RIMS2: variants seen among roughly 807,000 people sequenced by gnomAD.
RIMS2 encodes the protein regulating synaptic membrane exocytosis protein 2.
A neutral mutation model predicts 174.4 loss-of-function variants in RIMS2; 59 were observed. The ratio of observed to expected loss-of-function variants is 0.34; its 90% CI spans 0.27 to 0.42. RIMS2 has a LOEUF of 0.42. Among genes scored for constraint, RIMS2 ranks in the 10% least tolerant of loss-of-function variants. The probability of loss-of-function intolerance (pLI) is 1.00; values close to 1 mark genes in which losing one functional copy is unlikely to be tolerated. For synonymous variants in RIMS2, 606 were observed against 572.5 expected (o/e 1.06, Z -0.84); for missense variants, 1,620 against 1,666.3 (o/e 0.97, Z 0.48).
At chr8:104,074,797 G>T (rs2097260276) in intron 19 of RIMS2, among the ~76,000 whole-genome samples, 1 of 151,956 alleles carries the variant, frequency 6.6e-6, no homozygotes, top group Non-Finnish European at 1.5e-5. Context: ...AAGGTGACTG[G>T]TCCTTGATGA....
rs1295953577 is a variant in RIMS2 at position 103,709,119 on chromosome 8, T to C, written c.387+11823T>C. The stretch of plus-strand genomic sequence containing the variant: ...ACAGACATTGTAGCAATGTCAAATC[T>C]GCTGTTTATAAAATTCAGTATATTT... On this transcript the variant is annotated intron_variant, in intron 2 of 23. Transcript: ENST00000504942. Among the ~76,000 whole-genome samples the C allele has an allele frequency of 2.0e-5, 3 of 152,176 alleles. No individual in the cohort carries two copies. In the East Asian group the frequency reaches 5.8e-4, roughly 29 times the overall value.
intron 3 of RIMS2, among the ~76,000 whole-genome samples, chr8:103,839,561 T>C (rs1481830576): frequency 6.6e-6 from 1 of 152,204 alleles, no homozygotes; most frequent in African/African-American, 2.4e-5. Flanking sequence ...TTCACAAATA[T>C]CTCTCCAAGC....
At chr8:103,752,453 T>C (rs1157302408) in intron 2 of RIMS2, among the ~76,000 whole-genome samples, 2 of 152,154 alleles carry the variant, frequency 1.3e-5, no homozygotes, top group African/African-American at 4.8e-5. Flanking sequence ...TGGTTCCATA[T>C]GAACTTTAAA....
chr8:103,749,934 C>A (rs1235346674), intron 2 of RIMS2, among the ~76,000 whole-genome samples: 2 of 152,030 alleles, frequency 1.3e-5, no homozygotes, highest in Non-Finnish European at 2.9e-5. Flanking sequence ...TTGCTGCCTT[C>A]ATAATAAATA....
At position 103,534,571 on chromosome 8, in the gene RIMS2, A is replaced by G. The variant is rs139269424; in HGVS notation, c.176+33509A>G. 2.8e-4 allele frequency among the ~76,000 whole-genome samples: 43 copies of G among 152,086 alleles called. 1 individual carries two copies. In the East Asian group the frequency reaches 7.9e-3, roughly 28 times the overall value. ...TTGTTTGATATCAGTACGTATTTGT[A>G]TTTCCTATCTGTGCAAAAATATATT... On this transcript the variant is annotated intron_variant, in intron 1 of 23. Transcript: ENST00000504942.
intron 2 of RIMS2, among the ~76,000 whole-genome samples, chr8:103,730,346 G>A (rs1027318441): frequency 3.3e-5 from 5 of 152,076 alleles, no homozygotes; most frequent in Non-Finnish European, 7.4e-5. Context: ...AGTGTTGGGT[G>A]ATTATATATT....
chr8:103,557,849 A>G (rs1011361864), intron 1 of RIMS2, among the ~76,000 whole-genome samples: 1 of 152,212 alleles, frequency 6.6e-6, no homozygotes, highest in African/African-American at 2.4e-5. Flanking sequence ...AATAATCTCT[A>G]GTATTATAGA....
intron 2 of RIMS2, among the ~76,000 whole-genome samples, chr8:103,746,288 T>C (rs1165070714): frequency 2.0e-5 from 3 of 152,180 alleles, no homozygotes; most frequent in Non-Finnish European, 2.9e-5. Flanking sequence ...CTCAATTCTA[T>C]TCCCTTGACC....
intron 3 of RIMS2, among the ~76,000 whole-genome samples, chr8:103,878,500 A>G (rs2099152238): frequency 1.3e-5 from 2 of 151,784 alleles, no homozygotes; most frequent in Admixed American, 6.6e-5. Flanking sequence ...TTTGCATCTC[A>G]GTTCATTGGA....
chr8:103,531,929 A>C (rs926536643), intron 1 of RIMS2, among the ~76,000 whole-genome samples: 1 of 152,218 alleles, frequency 6.6e-6, no homozygotes, highest in Non-Finnish European at 1.5e-5. Context: ...AATGACAAGA[A>C]AAATAATTAG....
chr8:103,906,773 G>A (rs532509334), intron 4 of RIMS2, among the ~76,000 whole-genome samples: 6 of 152,202 alleles, frequency 3.9e-5, no homozygotes, highest in South Asian at 2.1e-4. Flanking sequence ...TATCTCTAGT[G>A]CACAGATTTG....
intron 1 of RIMS2, among the ~76,000 whole-genome samples, chr8:103,590,438 T>G (rs1415915042): frequency 1.3e-5 from 2 of 151,322 alleles, no homozygotes; most frequent in Non-Finnish European, 3.0e-5. Context: ...TTAACATTGT[T>G]CTTTGCATGC....
chr8:103,832,768 C>T (rs963038496), intron 3 of RIMS2, among the ~76,000 whole-genome samples: 9 of 152,168 alleles, frequency 5.9e-5, no homozygotes, highest in Non-Finnish European at 8.8e-5. Context: ...TTATTAGCTA[C>T]ATCTATTCTT....
intron 1 of RIMS2, among the ~76,000 whole-genome samples, chr8:103,536,780 C>T (rs1839962544): frequency 6.6e-6 from 1 of 152,190 alleles, no homozygotes; most frequent in Non-Finnish European, 1.5e-5. Context: ...CACCTCCCAC[C>T]AGGTCCCACC....
At chr8:103,669,937 A>T (rs2096724240) in intron 1 of RIMS2, among the ~76,000 whole-genome samples, 1 of 152,214 alleles carries the variant, frequency 6.6e-6, no homozygotes, top group Non-Finnish European at 1.5e-5. Context: ...GCAGTGCCCC[A>T]GTGTGGACTC....
intron 17 of RIMS2, among the ~76,000 whole-genome samples, chr8:104,004,522 A>T (rs952158648): frequency 1.3e-5 from 2 of 152,178 alleles, no homozygotes; most frequent in Non-Finnish European, 2.9e-5. Flanking sequence ...GGGGGGAAAA[A>T]ACAGGTTGCA....
Position 103,942,903 on chromosome 8 carries a change from A to G in RIMS2, c.2678A>G (p.Glu893Gly), listed in dbSNP as rs2082862953. 5 of 1,610,956 alleles carry G rather than the reference A, an allele frequency of 3.1e-6. No individual in the cohort carries two copies. In the South Asian group the frequency reaches 4.4e-5, roughly 14 times the overall value. The change falls in exon 14 of 24, where the codon GAG (glutamate) becomes GGG (glycine). Residue 893 changes from glutamate to glycine, a missense_variant. Around this residue, in one of 2 missense-constraint regions of RIMS2, gnomAD observed 1,395 missense variants for 1,360.1 expected, o/e 1.03. Transcript: ENST00000504942. ...ATGCCACGAAGACAGCTCCATGGAG[A>G]GAGCCCAACACGGAGGTTGCAAAGT...
chr8:104,122,706 G>T (rs1009918587), intron 19 of RIMS2, among the ~76,000 whole-genome samples: 3 of 152,264 alleles, frequency 2.0e-5, no homozygotes, highest in African/African-American at 7.2e-5. Flanking sequence ...GAAAGGAAAT[G>T]AGAACAATCT....
intron 1 of RIMS2, among the ~76,000 whole-genome samples, chr8:103,562,221 C>T (rs191694742): frequency 1.3e-5 from 2 of 152,288 alleles, no homozygotes; most frequent in East Asian, 3.9e-4. Flanking sequence ...AGCATTAACT[C>T]AAAAGTCCAC....
Sources: gnomAD v4.1 joint callset for allele counts (sites outside exome capture counted in the v4.1 genomes callset) on GRCh38, gnomAD v4.1.1 for gene constraint, gnomAD v4.1.1 regional missense constraint, MANE v1.5 for transcripts, NCBI Gene and HGNC (gene_info 2026-07-23, HGNC 2026-07-21) for gene names.